Variants in SYN2 observed in about 807,000 individuals in gnomAD.
SYN2 encodes the protein synapsin II.
A neutral mutation model predicts 50.9 loss-of-function variants in SYN2; 19 were observed. The observed-to-expected ratio is 0.37, with a 90% CI of 0.26 to 0.55. SYN2 has a LOEUF of 0.55. SYN2 is among the 20% of genes least tolerant of loss of function. SYN2 has a pLI of 0.81. For synonymous variants in SYN2, 255 were observed against 224.9 expected (o/e 1.13, Z -1.20); for missense variants, 587 against 576.4 (o/e 1.02, Z -0.19).
chr3:12,018,668 C>T (rs1377834069), intron 1 of SYN2, among the ~76,000 whole-genome samples: 2 of 152,144 alleles, frequency 1.3e-5, no homozygotes, highest in African/African-American at 2.4e-5. Flanking sequence ...TAATTCATGC[C>T]GTAACAATTT....
intron 11 of SYN2, among the ~76,000 whole-genome samples, chr3:12,185,945 A>G (rs1289809536): frequency 1.3e-5 from 2 of 152,216 alleles, no homozygotes; most frequent in African/African-American, 4.8e-5. Context: ...TTGAATTTGG[A>G]GCTTCTTAAA....
intron 10 of SYN2, among the ~76,000 whole-genome samples, chr3:12,177,374 C>G (rs1698100890): frequency 3.3e-5 from 5 of 152,182 alleles, no homozygotes; most frequent in Admixed American, 1.3e-4. Flanking sequence ...TGGCCCAAGA[C>G]AGTTCTTCTC....
At chr3:12,015,475 G>A (rs575112167) in intron 1 of SYN2, among the ~76,000 whole-genome samples, 1 of 152,162 alleles carries the variant, frequency 6.6e-6, no homozygotes, top group Non-Finnish European at 1.5e-5. Context: ...TCAATGATGA[G>A]CAAAAGCAAC....
At chr3:12,069,779 G>A (rs769064944) in intron 1 of SYN2, among the ~76,000 whole-genome samples, 5 of 150,390 alleles carry the variant, frequency 3.3e-5, no homozygotes, top group Non-Finnish European at 1.5e-5. Context: ...GTGTGATTTG[G>A]TACCTCGGTT....
intron 1 of SYN2, among the ~76,000 whole-genome samples, chr3:12,063,451 A>G (rs1695153188): frequency 6.6e-6 from 1 of 152,018 alleles, no homozygotes; most frequent in Admixed American, 6.6e-5. Context: ...AACAATTCTG[A>G]TAATGCTATA....
chr3:12,109,826 T>C (rs1559423638), intron 1 of SYN2, among the ~76,000 whole-genome samples: 1 of 152,214 alleles, frequency 6.6e-6, no homozygotes, highest in East Asian at 1.9e-4. Context: ...TTTGTATCCT[T>C]ACCCCTACCA....
chr3:12,071,305 A>G, intron 1 of SYN2: 1 of 565,504 alleles, frequency 1.8e-6, no homozygotes, highest in South Asian at 1.4e-5. Flanking sequence ...GCAGATGTGG[A>G]TTAACAAGCA....
intron 5 of SYN2, among the ~76,000 whole-genome samples, chr3:12,152,829 A>G (rs539642756): frequency 4.6e-5 from 7 of 152,226 alleles, no homozygotes; most frequent in Non-Finnish European, 1.0e-4. Flanking sequence ...TTGGAGAGGT[A>G]GTACCTATTC....
intron 1 of SYN2, among the ~76,000 whole-genome samples, chr3:12,074,371 TA>T (rs1474293668): frequency 6.6e-6 from 1 of 152,188 alleles, no homozygotes; most frequent in African/African-American, 2.4e-5. Flanking sequence ...ACTGTGTTTT[TA>T]CTGTTTATCG....
chr3:12,122,594 G>A (rs932322821), intron 1 of SYN2, among the ~76,000 whole-genome samples: 1 of 152,138 alleles, frequency 6.6e-6, no homozygotes, highest in African/African-American at 2.4e-5. Context: ...GTACATGGAG[G>A]ACAACAAGTT....
chr3:12,126,753 A>G (rs1424078288), intron 1 of SYN2, among the ~76,000 whole-genome samples: 1 of 152,216 alleles, frequency 6.6e-6, no homozygotes, highest in Non-Finnish European at 1.5e-5. Context: ...TATATAATTC[A>G]TTATGAGGAT....
chr3:12,163,241 C>CAAAAAAAAAAAAAAAAAAA (rs11404808), intron 7 of SYN2, among the ~76,000 whole-genome samples: 1 of 122,592 alleles, frequency 8.2e-6, no homozygotes, highest in African/African-American at 3.3e-5. Flanking sequence ...GACTCTGTCT[C>CAAAAAAAAAAAAAAAAAAA]AAAAAAAAAA....
At chr3:12,063,200 C>T (rs547680764) in intron 1 of SYN2, among the ~76,000 whole-genome samples, 1 of 151,914 alleles carries the variant, frequency 6.6e-6, no homozygotes, top group African/African-American at 2.4e-5. Flanking sequence ...TTCAACAACA[C>T]AAAAGGTGAA....
chr3:12,111,835 T>C (rs969899537), intron 1 of SYN2, among the ~76,000 whole-genome samples: 1 of 152,188 alleles, frequency 6.6e-6, no homozygotes, highest in African/African-American at 2.4e-5. Context: ...GTTGACAAAT[T>C]AGAGAATCCT....
chr3:12,145,773 G>A lies in SYN2; in HGVS notation c.622G>A (p.Ala208Thr). Reference sequence around the variant, plus strand: ...CCACCTGATCATTGGTATGCAGTATGCAGGCCTCCCCAGCATCAACTCACT... The same window carrying A: ...CCACCTGATCATTGGTATGCAGTATACAGGCCTCCCCAGCATCAACTCACT... ...FRHLIIGMQYAGLPSINSLES... is the reference protein window; with the variant it reads ...FRHLIIGMQYTGLPSINSLES... Residue 208 changes from alanine to threonine, a missense_variant, in exon 4 of 13, where the codon GCA becomes ACA. By Grantham distance (58) the Ala-to-Thr change is moderately conservative (BLOSUM62 0). Coordinates refer to ENST00000621198, the MANE Select transcript of SYN2 (RefSeq NM_133625.6). 1 of 1,614,036 alleles carries A rather than the reference G, an allele frequency of 6.2e-7. No homozygotes were observed. Among genetic ancestry groups the A allele is most frequent in the Non-Finnish European group, 8.5e-7 (1 of 1,179,900 alleles).
intron 1 of SYN2, among the ~76,000 whole-genome samples, chr3:12,037,933 T>G (rs1439239905): frequency 1.3e-5 from 2 of 152,230 alleles, no homozygotes; most frequent in Admixed American, 1.3e-4. Flanking sequence ...TTCTGTTTTT[T>G]CTTTTGTTGC....
intron 1 of SYN2, among the ~76,000 whole-genome samples, chr3:12,015,420 A>G (rs1305724265): frequency 6.6e-6 from 1 of 152,172 alleles, no homozygotes; most frequent in Non-Finnish European, 1.5e-5. Flanking sequence ...TTCAGTACTT[A>G]TTTGTTGAAC....
rs537484804 is a variant in SYN2 at position 12,108,025 on chromosome 3, A to C, written c.378-32626A>C. 9.2e-5 allele frequency among the ~76,000 whole-genome samples: 14 copies of C among 152,256 alleles called. 1 individual carries two copies. The South Asian group carries it at 2.9e-3, about 32-fold the overall frequency. ...CAGGAGTTTGAGACCAGCCTGGGCA[A>C]CGTGGTGAGACCCTGTCTCTACAAA... On this transcript the variant is annotated intron_variant, in intron 1 of 12. Coordinates refer to ENST00000621198, the MANE Select transcript of SYN2 (RefSeq NM_133625.6).
At chr3:12,185,241 C>T in intron 11 of SYN2, 2 of 985,732 alleles carry the variant, frequency 2.0e-6, no homozygotes, top group South Asian at 9.4e-5. Flanking sequence ...TAACATTTCC[C>T]AGAATGGAGG....
Sources: gnomAD v4.1 joint callset for allele counts (sites outside exome capture counted in the v4.1 genomes callset) on GRCh38, gnomAD v4.1.1 for gene constraint, MANE v1.5 for transcripts, NCBI Gene and HGNC (gene_info 2026-07-23, HGNC 2026-07-21) for gene names.